Variants in PHACTR1 observed in about 807,000 individuals in gnomAD.
PHACTR1 encodes phosphatase and actin regulator 1.
In PHACTR1, 16 loss-of-function variants were observed where a neutral mutation model predicts 69.2. The ratio of observed to expected loss-of-function variants is 0.23; its 90% CI spans 0.16 to 0.35. The LOEUF (loss-of-function observed/expected upper bound fraction) is 0.35. Ranked by LOEUF, PHACTR1 falls within the 10% of genes least tolerant of loss-of-function variation. The probability of loss-of-function intolerance (pLI) is 1.00; values close to 1 mark genes in which losing one functional copy is unlikely to be tolerated. For synonymous variants in PHACTR1, 312 were observed against 284.5 expected, an observed-to-expected ratio of 1.10 and a Z score of -0.97; for missense variants, 510 against 734.7, an observed-to-expected ratio of 0.69 and a Z score of 3.54.
At chr6:13,132,465 C>T (rs538082136) in intron 5 of PHACTR1, among the ~76,000 whole-genome samples, 8 of 152,198 alleles carry the variant, frequency 5.3e-5, no homozygotes, top group East Asian at 1.9e-4. Flanking sequence ...ATGTCTTGCC[C>T]GCAGCAGATG....
chr6:13,067,064 C>T (rs1808760013), intron 5 of PHACTR1, among the ~76,000 whole-genome samples: 2 of 152,226 alleles, frequency 1.3e-5, no homozygotes, highest in Non-Finnish European at 2.9e-5. Context: ...ACAGCTGCTC[C>T]TTGTTTCCTT....
chr6:13,118,574 G>T (rs1360877864), intron 5 of PHACTR1, among the ~76,000 whole-genome samples: 1 of 148,022 alleles, frequency 6.8e-6, no homozygotes, highest in Non-Finnish European at 1.5e-5. Flanking sequence ...CACCTCCCAG[G>T]TTCAAGCTAT....
intron 10 of PHACTR1, among the ~76,000 whole-genome samples, chr6:13,256,408 T>C (rs1374601614): frequency 1.3e-5 from 2 of 152,264 alleles, no homozygotes; most frequent in South Asian, 2.1e-4. Context: ...TTTTTACTTA[T>C]GCAAATTTCT....
At chr6:12,863,557 G>A (rs1281021862) in intron 4 of PHACTR1, among the ~76,000 whole-genome samples, 1 of 152,206 alleles carries the variant, frequency 6.6e-6, no homozygotes, top group Non-Finnish European at 1.5e-5. Context: ...AAACAGATAA[G>A]GAGGTGAGAT....
intron 4 of PHACTR1, among the ~76,000 whole-genome samples, chr6:12,892,428 C>T (rs1784251962): frequency 6.6e-6 from 1 of 152,168 alleles, no homozygotes; most frequent in Admixed American, 6.5e-5. Context: ...AGAGCTGCAT[C>T]TGGGTCTGTC....
chr6:12,862,006 T>C (rs765806416), intron 4 of PHACTR1, among the ~76,000 whole-genome samples: 17 of 152,222 alleles, frequency 1.1e-4, no homozygotes, highest in Non-Finnish European at 2.5e-4. Context: ...ATGTGTAAGT[T>C]ACTATGCCAA....
At chr6:12,932,237 T>C (rs942892345) in intron 4 of PHACTR1, among the ~76,000 whole-genome samples, 4 of 152,150 alleles carry the variant, frequency 2.6e-5, no homozygotes, top group Admixed American at 2.0e-4. Context: ...TGTAGCTTGG[T>C]TTCTCCTGGA....
intron 5 of PHACTR1, among the ~76,000 whole-genome samples, chr6:13,137,545 G>T (rs1192897942): frequency 6.6e-6 from 1 of 152,194 alleles, no homozygotes; most frequent in Non-Finnish European, 1.5e-5. Flanking sequence ...ACCGTTTTCT[G>T]TCCTCTGTTA....
In PHACTR1 at chr6:13,245,825, A is replaced by T. The variant is rs763443601; in HGVS notation, c.1391+15632A>T. Among the ~76,000 whole-genome samples, 3 of 152,098 alleles carry T rather than the reference A, an allele frequency of 2.0e-5. No homozygotes were observed. The highest frequency in any genetic ancestry group is 4.4e-5 in the Non-Finnish European group (3 of 68,022). ...TAATCTATCTCGAGTTGATTTTTGT[A>T]TATGGTGTAAGGAGCAGGTCCAGTT... On this transcript the variant is annotated intron_variant, in intron 10 of 14. Transcript: ENST00000332995. This position sits in a 1 kb window ranked among gnomAD's most constrained non-coding sequence, Gnocchi z 4.1.
At chr6:12,740,856 C>T (rs1283019209) in intron 3 of PHACTR1, among the ~76,000 whole-genome samples, 3 of 151,712 alleles carry the variant, frequency 2.0e-5, no homozygotes, top group African/African-American at 7.3e-5. Context: ...AGTGATAACT[C>T]CTATTTAATT....
Position 12,767,686 on chromosome 6 carries a change from T to C in PHACTR1, c.250+17896T>C, listed in dbSNP as rs887065463. ...CACAAAGATGGTGTAGGGTAATACA[T>C]GAGACTGTTTGCCCTCTTGGTGTGT... is the stretch of plus-strand genomic sequence containing the variant. On this transcript the variant is annotated intron_variant, in intron 4 of 14. Transcript: ENST00000332995. Among the ~76,000 whole-genome samples, 9 of 152,300 alleles carry C rather than the reference T, an allele frequency of 5.9e-5. No homozygotes were observed. The East Asian group carries it at 1.7e-3, about 29-fold the overall frequency.
At chr6:13,087,509 A>G (rs1191214324) in intron 5 of PHACTR1, among the ~76,000 whole-genome samples, 1 of 152,108 alleles carries the variant, frequency 6.6e-6, no homozygotes, top group African/African-American at 2.4e-5. Flanking sequence ...AACATCAGAC[A>G]ATTTATTAAT....
At chr6:13,188,463 G>T (rs542794402) in intron 7 of PHACTR1, among the ~76,000 whole-genome samples, 8 of 152,116 alleles carry the variant, frequency 5.3e-5, no homozygotes, top group Non-Finnish European at 1.2e-4. Flanking sequence ...TGCTGCTCTG[G>T]TGACATGTTT....
intron 10 of PHACTR1, among the ~76,000 whole-genome samples, chr6:13,231,303 AG>A: frequency 1.3e-4 from 2 of 15,318 alleles, no homozygotes; most frequent in African/African-American, 7.7e-4. Context: ...AGAGCGAAAG[AG>A]AAGGAGGGAG....
intron 4 of PHACTR1, among the ~76,000 whole-genome samples, chr6:12,810,685 G>A (rs1774920699): frequency 6.6e-6 from 1 of 152,158 alleles, no homozygotes; most frequent in Admixed American, 6.5e-5. Context: ...GGTGTGCCCT[G>A]CTCATAGCTG....
chr6:12,771,594 A>G (rs969214813), intron 4 of PHACTR1, among the ~76,000 whole-genome samples: 3 of 152,206 alleles, frequency 2.0e-5, no homozygotes, highest in Non-Finnish European at 4.4e-5. Flanking sequence ...TGGATCCGGG[A>G]TGCTCCAGTA....
At chr6:12,773,806 T>C (rs1430686555) in intron 4 of PHACTR1, among the ~76,000 whole-genome samples, 3 of 152,230 alleles carry the variant, frequency 2.0e-5, no homozygotes, top group Admixed American at 2.0e-4. Context: ...TTTTTCCCAT[T>C]CTACAAGTCA....
intron 7 of PHACTR1, among the ~76,000 whole-genome samples, chr6:13,187,460 T>G (rs1762965192): frequency 6.6e-6 from 1 of 152,134 alleles, no homozygotes; most frequent in African/African-American, 2.4e-5. Flanking sequence ...AAGAGTTGGC[T>G]GAGTAGGGGT....
intron 4 of PHACTR1, among the ~76,000 whole-genome samples, chr6:12,842,612 G>T (rs1778804122): frequency 6.6e-6 from 1 of 152,084 alleles, no homozygotes; most frequent in Non-Finnish European, 1.5e-5. Flanking sequence ...TGTGATCAAG[G>T]CTCACTGCAG....
Sources: allele counts gnomAD v4.1 joint callset (sites outside exome capture counted in the v4.1 genomes callset), GRCh38; gene constraint gnomAD v4.1.1; non-coding constraint Gnocchi (gnomAD v3.1); transcripts MANE v1.5; gene names NCBI Gene and HGNC (gene_info 2026-07-23, HGNC 2026-07-21).